ENOX1: variants seen among roughly 807,000 people sequenced by gnomAD.
ENOX1 encodes candidate growth-related and time keeping constitutive hydroquinone (NADH) oxidase.
ENOX1 carries 42 observed loss-of-function variants against 82.5 expected under a neutral mutation model. The ratio of observed to expected loss-of-function variants is 0.51; its 90% CI spans 0.40 to 0.66. The LOEUF (loss-of-function observed/expected upper bound fraction) is 0.66. ENOX1 is among the 30% of genes least tolerant of loss of function. The pLI, the probability that ENOX1 is intolerant of heterozygous loss-of-function variation, is 0.00. For synonymous variants in ENOX1, 271 were observed against 282.2 expected (o/e 0.96, Z 0.40); for missense variants, 608 against 811.6 (o/e 0.75, Z 3.05).
At chr13:43,454,428 A>T (rs2057124019) in intron 3 of ENOX1, among the ~76,000 whole-genome samples, 1 of 152,128 alleles carries the variant, frequency 6.6e-6, no homozygotes, top group Non-Finnish European at 1.5e-5. Context: ...GGGAGATTGA[A>T]TTTCACCATG....
At chr13:43,732,850 C>T (rs2153822761) in intron 1 of ENOX1, among the ~76,000 whole-genome samples, 1 of 152,324 alleles carries the variant, frequency 6.6e-6, no homozygotes, top group African/African-American at 2.4e-5. Flanking sequence ...TAATGCAAGA[C>T]AAAGCAAGTT....
chr13:43,429,515 G>C (rs1366431774), intron 3 of ENOX1, among the ~76,000 whole-genome samples: 6 of 152,116 alleles, frequency 3.9e-5, no homozygotes, highest in Non-Finnish European at 7.4e-5. Context: ...TGTGTGACTG[G>C]GATTCGGCAT....
chr13:43,704,581 G>T (rs1238163350), intron 1 of ENOX1, among the ~76,000 whole-genome samples: 2 of 152,200 alleles, frequency 1.3e-5, no homozygotes, highest in Admixed American at 1.3e-4. Context: ...TCAGAGGACA[G>T]AGTCTGAGGC....
chr13:43,685,909 C>A (rs533905891), intron 1 of ENOX1, among the ~76,000 whole-genome samples: 35 of 151,244 alleles, frequency 2.3e-4, no homozygotes, highest in Non-Finnish European at 3.5e-4. Context: ...CACACACACA[C>A]ACACTACATG....
intron 2 of ENOX1, among the ~76,000 whole-genome samples, chr13:43,623,822 T>C (rs2082853057): frequency 6.6e-6 from 1 of 152,204 alleles, no homozygotes; most frequent in Non-Finnish European, 1.5e-5. Context: ...TGTTTAACCA[T>C]TTGCCCATTG....
intron 14 of ENOX1, among the ~76,000 whole-genome samples, chr13:43,262,585 G>C (rs748518216): frequency 6.6e-5 from 10 of 152,108 alleles, no homozygotes; most frequent in Non-Finnish European, 1.2e-4. Context: ...GGAGTGCAGT[G>C]GTGTGATCTC....
intron 11 of ENOX1, among the ~76,000 whole-genome samples, chr13:43,305,724 A>C (rs1593822742): frequency 6.6e-6 from 1 of 152,320 alleles, no homozygotes; most frequent in South Asian, 2.1e-4. Flanking sequence ...CTCCGACCCA[A>C]AACCATCCCC....
chr13:43,764,048 T>C, intron 1 of ENOX1, among the ~76,000 whole-genome samples: 1 of 152,196 alleles, frequency 6.6e-6, no homozygotes, highest in Admixed American at 6.5e-5. Flanking sequence ...TTTACCTCTC[T>C]TACCGCTGAC....
intron 3 of ENOX1, among the ~76,000 whole-genome samples, chr13:43,426,986 A>G (rs1594533662): frequency 1.3e-5 from 2 of 152,322 alleles, no homozygotes; most frequent in East Asian, 3.9e-4. Flanking sequence ...AACTCTTGCT[A>G]TCATTCTTAA....
chr13:43,281,463 G>A (rs927144504), intron 12 of ENOX1, among the ~76,000 whole-genome samples: 1 of 152,128 alleles, frequency 6.6e-6, no homozygotes, highest in African/African-American at 2.4e-5. Context: ...GGCCATGAAT[G>A]ATAACAGCAA....
intron 15 of ENOX1, among the ~76,000 whole-genome samples, chr13:43,228,532 C>A (rs1329155962): frequency 2.0e-5 from 3 of 152,208 alleles, no homozygotes; most frequent in African/African-American, 7.2e-5. Context: ...CTGTGCCAAA[C>A]CTCGTTAGGA....
chr13:43,536,221 T>C (rs1223192874), intron 2 of ENOX1, among the ~76,000 whole-genome samples: 1 of 152,220 alleles, frequency 6.6e-6, no homozygotes, highest in Admixed American at 6.5e-5. Context: ...AAACTAGAAA[T>C]GATTGGTGAA....
intron 8 of ENOX1, among the ~76,000 whole-genome samples, chr13:43,346,158 A>G (rs1358620469): frequency 6.6e-6 from 1 of 152,166 alleles, no homozygotes. Flanking sequence ...TTTTCTCCCA[A>G]AGACCTCCTC....
At chr13:43,781,048 T>C (rs957210368) in intron 1 of ENOX1, among the ~76,000 whole-genome samples, 2 of 152,230 alleles carry the variant, frequency 1.3e-5, no homozygotes, top group African/African-American at 4.8e-5. Context: ...GGCTATTCCA[T>C]ACTTAGGATG....
At chr13:43,617,485 T>C (rs2082533141) in intron 2 of ENOX1, among the ~76,000 whole-genome samples, 1 of 152,246 alleles carries the variant, frequency 6.6e-6, no homozygotes, top group Non-Finnish European at 1.5e-5. Context: ...GTTTATATGC[T>C]TACTTTTTAA....
At position 43,412,633 on chromosome 13, in the gene ENOX1, CAGGT is replaced by C. The variant is rs563525796; in HGVS notation, c.70+208_70+211del. Among the ~76,000 whole-genome samples the C allele has an allele frequency of 8.7e-4, 133 of 152,298 alleles. 1 individual carries two copies. The highest frequency in any genetic ancestry group is 3.2e-3 in the African/African-American group (131 of 41,568). On this transcript the variant is annotated intron_variant, in intron 4 of 16. Transcript: ENST00000690772. ...TAAATAAATAAATCAAATTTAAAAA[CAGGT>C]AGCACAAAGCTTAAGAAAACACAAA...
chr13:43,222,380 TACACAC>T (rs35476412), intron 16 of ENOX1, among the ~76,000 whole-genome samples: 8 of 149,194 alleles, frequency 5.4e-5, no homozygotes, highest in African/African-American at 9.8e-5. Context: ...GAGATGATTT[TACACAC>T]ACACACACAC....
At chr13:43,496,555 C>T (rs961687115) in intron 2 of ENOX1, among the ~76,000 whole-genome samples, 6 of 151,622 alleles carry the variant, frequency 4.0e-5, no homozygotes, top group African/African-American at 1.5e-4. Flanking sequence ...GCTACTTTGA[C>T]TATTTATTTA....
intron 1 of ENOX1, among the ~76,000 whole-genome samples, chr13:43,702,897 G>T (rs2153809400): frequency 7.3e-6 from 1 of 136,764 alleles, no homozygotes; most frequent in South Asian, 2.5e-4. Flanking sequence ...AGGCTGCAGT[G>T]AGCTGAGTTT....
Sources: gnomAD v4.1 joint callset for allele counts (sites outside exome capture counted in the v4.1 genomes callset) on GRCh38, gnomAD v4.1.1 for gene constraint, MANE v1.5 for transcripts, NCBI Gene and HGNC (gene_info 2026-07-23, HGNC 2026-07-21) for gene names.